PRKAG3: variants seen among roughly 807,000 people sequenced by gnomAD.
PRKAG3 encodes 5'-AMP-activated protein kinase subunit gamma-3.
Under a neutral mutation model 56.5 loss-of-function variants are expected in PRKAG3, and 39 were observed. That is an observed-to-expected ratio of 0.69 (90% CI 0.53 to 0.90). The LOEUF (loss-of-function observed/expected upper bound fraction) is 0.90. Among genes scored for constraint, PRKAG3 ranks in the 40% least tolerant of loss-of-function variants. The pLI is 0.00. For missense variants in PRKAG3, 628 were observed against 627.5 expected, an observed-to-expected ratio of 1.00 and a Z score of -0.01; for synonymous variants, 243 against 250.1, an observed-to-expected ratio of 0.97 and a Z score of 0.27.
At chr2:218,829,034 G>A (rs757286793) in intron 4 of PRKAG3, among the ~76,000 whole-genome samples, 4 of 152,080 alleles carry the variant, frequency 2.6e-5, no homozygotes, top group East Asian at 3.9e-4. Context: ...TTTGTGCCCC[G>A]TCCTAAGCAG....
At position 218,827,292 on chromosome 2, in the gene PRKAG3, G is replaced by A; in HGVS notation, c.957C>T (p.Leu319=). Residue 319 remains leucine (L), a synonymous_variant, in exon 9 of 13, where the codon CTC becomes CTT. Transcript: ENST00000529249. This position sits in a 1 kb window ranked among gnomAD's most constrained non-coding sequence, Gnocchi z 5.3. ...GCAGGCGTTTGTGTGTGAGGATGTG[G>A]AGTACGTTGCCTGACACCGGGTCAA... 6.2e-7 allele frequency: 1 copy of A among 1,614,202 alleles called. No individual in the cohort carries two copies. Among genetic ancestry groups the A allele is most frequent in the Non-Finnish European group, 8.5e-7 (1 of 1,180,044 alleles).
intron 12 of PRKAG3, 131 bp from the exon 13 acceptor site, chr2:218,824,009 G>T: frequency 2.5e-6 from 3 of 1,214,094 alleles, no homozygotes; most frequent in Non-Finnish European, 2.4e-6. Context: ...AACCAGTTAG[G>T]GATGGTGTGA....
intron 1 of PRKAG3, 149 bp downstream of exon 1, chr2:218,831,589 G>T: frequency 1.8e-6 from 2 of 1,129,146 alleles, no homozygotes; most frequent in Non-Finnish European, 2.6e-6. Context: ...CAATACATAT[G>T]CCCAAACATG....
At chr2:218,830,685 G>C (rs563639271) in intron 3 of PRKAG3, 61 bp downstream of exon 3, 12 of 1,571,634 alleles carry the variant, frequency 7.6e-6, no homozygotes, top group Admixed American at 1.8e-5. Context: ...CCAGACCCAG[G>C]CTCCTCTGGG....
intron 10 of PRKAG3, 161 bp downstream of exon 10, chr2:218,826,767 C>A: frequency 1.1e-6 from 1 of 870,218 alleles, no homozygotes; most frequent in African/African-American, 1.7e-5. Flanking sequence ...AGAGGCTAAG[C>A]AACTTGCCCA....
intron 1 of PRKAG3, 113 bp downstream of exon 1, chr2:218,831,624 TC>T: frequency 7.1e-7 from 1 of 1,400,084 alleles, no homozygotes; most frequent in Non-Finnish European, 9.9e-7. Flanking sequence ...CACGAGAAAA[TC>T]CAGACCAAAC....
chr2:218,823,265 A>C (rs917113018), downstream of PRKAG3: 2 of 224,516 alleles, frequency 8.9e-6, no homozygotes, highest in Admixed American at 5.3e-5. Context: ...CGTAGGTAGA[A>C]GCTCCTTCCT....
chr2:218,827,788 C>T lies in PRKAG3; in HGVS notation c.820+45G>A, dbSNP rs767514108. On this transcript the variant is annotated intron_variant, in intron 7 of 12. Coordinates refer to ENST00000529249, the Ensembl canonical transcript of PRKAG3. The surrounding 1 kb of genome is among the most constrained non-coding windows in gnomAD (Gnocchi z 5.3). ...GCCCATCCTCCACCTTAAGCCCTGG[C>T]CCACCATCACCAACAGCCCTTTCCG... 1.8e-5 allele frequency: 27 copies of T among 1,522,336 alleles called. No homozygotes were observed. In the East Asian group the frequency reaches 6.4e-4, roughly 36 times the overall value. The allele number at this position is 1,522,336 out of a possible 1,614,324, so 94.3% of individuals were successfully genotyped here.
At chr2:218,823,121 C>G (rs1489644852), downstream of PRKAG3, 20 of 901,816 alleles carry the variant, frequency 2.2e-5, no homozygotes, top group Non-Finnish European at 2.7e-5. Flanking sequence ...ATAGGAGGGA[C>G]AGCGGCCTTT....
Position 218,827,515 on chromosome 2 carries a change from G to T in PRKAG3, c.875+60C>A. The T allele has an allele frequency of 1.2e-6, 2 of 1,600,368 alleles. No homozygotes were observed. The highest frequency in any genetic ancestry group is 1.7e-6 in the Non-Finnish European group (2 of 1,167,768). ...TGAAGAGGTGAGTTCAGAGCTGAGT[G>T]GGACTGGGGAAGGGGACTGTGGGAG... On this transcript the variant is annotated intron_variant, in intron 8 of 12. Transcript: ENST00000529249. The surrounding 1 kb of genome is among the most constrained non-coding windows in gnomAD (Gnocchi z 5.3).
rs1172426668 is a variant in PRKAG3, at chr2:218,828,064, T to C, written c.716-2A>G. The C allele has an allele frequency of 2.1e-6, 3 of 1,408,156 alleles. No homozygotes were observed. Among genetic ancestry groups the C allele is most frequent in the East Asian group, 2.7e-5 (1 of 36,708 alleles). The allele number at this position is 1,408,156 out of a possible 1,614,324, so 87.2% of individuals were successfully genotyped here. A position where few individuals can be genotyped will look rare whatever the true frequency, so the allele number is the denominator to read the frequency against. ...TGAAGTCAGTGATGGTCAGCATCCC[T>C]GCAGGGAGGGGCGGGGAGGAGGTCA... On this transcript the variant is annotated splice_acceptor_variant, in intron 5 of 12. Coordinates refer to ENST00000529249, the Ensembl canonical transcript of PRKAG3. LOFTEE classifies it high-confidence loss of function.
chr2:218,831,597 A>T, intron 1 of PRKAG3, 141 bp downstream of exon 1: 1 of 1,175,674 alleles, frequency 8.5e-7, no homozygotes, highest in Non-Finnish European at 1.2e-6. Context: ...ATGCCCAAAC[A>T]TGCACATGCC....
Position 218,824,375 on chromosome 2 carries a change from C to A in PRKAG3, c.1207-7G>T, listed in dbSNP as rs1943900776. ...TTTGCTGGGCAGCCAGGTGCTGGGGCAGAGAGAGAAGTATGGCTCCTAGTC... is the reference window on the plus strand; with the variant it reads ...TTTGCTGGGCAGCCAGGTGCTGGGGAAGAGAGAGAAGTATGGCTCCTAGTC... On this transcript the variant is annotated splice_region_variant and splice_polypyrimidine_tract_variant and intron_variant, in intron 11 of 12. Transcript: ENST00000529249. 6.2e-7 allele frequency: 1 copy of A among 1,613,968 alleles called. No homozygotes were observed. The highest frequency in any genetic ancestry group is 1.1e-5 in the South Asian group (1 of 91,078).
chr2:218,828,794 A>G (rs1943975569), intron 4 of PRKAG3, among the ~76,000 whole-genome samples, 194 bp from the exon 5 acceptor site: 2 of 152,144 alleles, frequency 1.3e-5, no homozygotes, highest in Admixed American at 6.5e-5. Flanking sequence ...CACGCTAGAC[A>G]TGATCGTTGC....
At chr2:218,823,040 A>G (rs1245171152), downstream of PRKAG3, 5 of 979,712 alleles carry the variant, frequency 5.1e-6, no homozygotes, top group Non-Finnish European at 6.1e-6. Context: ...CTGGGAGCAC[A>G]GGTAGGGCAA....
rs1458082316 is a variant in PRKAG3, at chr2:218,827,092, C to A, written c.1004G>T (p.Gly335Val). 2 of 1,613,126 alleles carry A rather than the reference C, an allele frequency of 1.2e-6. No homozygotes were observed. Among genetic ancestry groups the A allele is most frequent in the Non-Finnish European group, 1.7e-6 (2 of 1,180,038 alleles). ...GAAGGAGGGCCGGGGCAGCAGGGAA[C>A]CCTGGTTAGGATGGGGACCAGGTGG... Residue 335 changes from glycine (G) to valine (V), a missense_variant and splice_region_variant, in exon 10 of 13, where the codon GGT becomes GTT. Gly to Val is a moderately radical substitution (Grantham distance 109). Transcript: ENST00000529249. This position sits in a 1 kb window ranked among gnomAD's most constrained non-coding sequence, Gnocchi z 5.3.
Position 218,829,961 on chromosome 2 carries a change from C to T in PRKAG3, c.633+17G>A. On this transcript the variant is annotated intron_variant, in intron 4 of 12. Coordinates refer to ENST00000529249, the Ensembl canonical transcript of PRKAG3. Reference sequence around the variant, plus strand: ...GGATGGAGAGTGAGTACAGGTTGGGCAGAGCCGTGGCCTCACCTCCAGCAT... The same window carrying T: ...GGATGGAGAGTGAGTACAGGTTGGGTAGAGCCGTGGCCTCACCTCCAGCAT... 2 of 1,609,656 alleles carry T rather than the reference C, an allele frequency of 1.2e-6. No individual in the cohort carries two copies. The highest frequency in any genetic ancestry group is 8.5e-7 in the Non-Finnish European group (1 of 1,179,896).
chr2:218,829,743 T>C (rs1943990050), intron 4 of PRKAG3, among the ~76,000 whole-genome samples: 1 of 152,204 alleles, frequency 6.6e-6, no homozygotes, highest in African/African-American at 2.4e-5. Flanking sequence ...AGAAAGGTAA[T>C]GTAACTCAAG....
rs916986706 is a variant in PRKAG3 at position 218,828,997 on chromosome 2, T to C, written c.634-397A>G. Among the ~76,000 whole-genome samples the C allele has an allele frequency of 2.6e-5, 4 of 152,366 alleles. No individual in the cohort carries two copies. The South Asian group carries it at 6.2e-4, about 24-fold the overall frequency. Reference sequence around the variant, plus strand: ...ACACTTGCATATTTACATACTTTTTTTGTAGATAAATTTTATATTGACTCA... The same window carrying C: ...ACACTTGCATATTTACATACTTTTTCTGTAGATAAATTTTATATTGACTCA... On this transcript the variant is annotated intron_variant, in intron 4 of 12. Coordinates refer to ENST00000529249, the Ensembl canonical transcript of PRKAG3.
Sources: gnomAD v4.1 joint callset for allele counts (sites outside exome capture counted in the v4.1 genomes callset) on GRCh38, gnomAD v4.1.1 for gene constraint, Gnocchi (gnomAD v3.1) non-coding constraint, MANE v1.5 for transcripts, NCBI Gene and HGNC (gene_info 2026-07-23, HGNC 2026-07-21) for gene names.